Variants in CNTN3 observed in about 807,000 individuals in gnomAD.
CNTN3 encodes the protein contactin 3, also known as contactin-3.
CNTN3 carries 60 observed loss-of-function variants against 119.1 expected under a neutral mutation model. The ratio of observed to expected loss-of-function variants is 0.50; its 90% CI spans 0.41 to 0.62. CNTN3 has a LOEUF of 0.62. CNTN3 is among the 20% of genes least tolerant of loss of function. CNTN3 has a pLI of 0.00. For missense variants in CNTN3, 1,101 were observed against 1,242.4 expected (o/e 0.89, Z 1.71); for synonymous variants, 450 against 438.7 (o/e 1.03, Z -0.32).
intron 4 of CNTN3, among the ~76,000 whole-genome samples, chr3:74,453,279 T>C (rs1439539517): frequency 6.6e-6 from 1 of 152,150 alleles, no homozygotes; most frequent in African/African-American, 2.4e-5. Context: ...ATCCATTTCT[T>C]CTAGATTTTC....
At chr3:74,325,401 T>C (rs1356121026) in intron 13 of CNTN3, among the ~76,000 whole-genome samples, 1 of 152,166 alleles carries the variant, frequency 6.6e-6, no homozygotes, top group Non-Finnish European at 1.5e-5. Flanking sequence ...CTTTCCTCAG[T>C]ATCCAAATTC....
intron 5 of CNTN3, among the ~76,000 whole-genome samples, chr3:74,390,664 G>A (rs913644141): frequency 6.6e-6 from 1 of 152,088 alleles, no homozygotes; most frequent in East Asian, 1.9e-4. Context: ...CAGGCAAATC[G>A]GGTCAGCCCT....
At chr3:74,381,792 TA>T (rs996164467) in intron 5 of CNTN3, among the ~76,000 whole-genome samples, 6 of 151,738 alleles carry the variant, frequency 4.0e-5, no homozygotes, top group African/African-American at 1.2e-4. Context: ...ATAATTTAGC[TA>T]AAAAAAAGCC....
intron 3 of CNTN3, 112 bp downstream of exon 3, chr3:74,499,547 C>A (rs1040021692): frequency 1.1e-6 from 1 of 902,578 alleles, no homozygotes; most frequent in Non-Finnish European, 1.6e-6. Flanking sequence ...TATAGCTTCA[C>A]GTATTTTTTT....
chr3:74,583,867 G>T (rs1704553461), intron 1 of CNTN3, among the ~76,000 whole-genome samples: 1 of 152,036 alleles, frequency 6.6e-6, no homozygotes, highest in Non-Finnish European at 1.5e-5. Context: ...ACAATTAATT[G>T]CAGTTGTTCC....
At position 74,371,275 on chromosome 3, in the gene CNTN3, A is replaced by C; in HGVS notation, c.579T>G (p.Asn193Lys). ...CCATACTTGTCACCACACATGTGTA[A>C]TTTCCCACATCAGACGGCTCCACCT... Reference protein sequence around the residue: ...ISKVEPSDVGNYTCVVTSMVT... With the variant: ...ISKVEPSDVGKYTCVVTSMVT... Residue 193 changes from asparagine to lysine, a missense_variant, in exon 6 of 23, where the codon AAT becomes AAG. Transcript: ENST00000263665. The C allele has an allele frequency of 6.2e-7, 1 of 1,613,470 alleles. No homozygotes were observed. The highest frequency in any genetic ancestry group is 2.2e-5 in the East Asian group (1 of 44,836).
At position 74,264,311 on chromosome 3, in the gene CNTN3, G is replaced by GA. The variant is rs1701627454; in HGVS notation, c.*89dup. ...AAGTAGAAAGTTAAAAATAAGAGTT[G>GA]AAAAAAACATGCATAATCACTGCAT... On this transcript the variant is annotated 3_prime_UTR_variant, in exon 23 of 23. Coordinates refer to ENST00000263665, the MANE Select transcript of CNTN3 (RefSeq NM_020872.3). 1 of 519,632 alleles carries GA rather than the reference G, an allele frequency of 1.9e-6. No individual in the cohort carries two copies. Among genetic ancestry groups the GA allele is most frequent in the Non-Finnish European group, 3.2e-6 (1 of 309,086 alleles). The allele number at this position is 519,632 out of a possible 1,614,324, so 32.2% of individuals were successfully genotyped here.
rs1223215817 is a variant in CNTN3 at position 74,407,262 on chromosome 3, C to CCAT, written c.454+17582_454+17583insATG. Reference sequence around the variant, plus strand: ...GTAAAGTATAGCCAGGCCAAATATTCTATTTTTTTTTTTTTTTTTTTTTGA... The same window carrying CCAT: ...GTAAAGTATAGCCAGGCCAAATATTCCATTATTTTTTTTTTTTTTTTTTTTTGA... On this transcript the variant is annotated intron_variant, in intron 5 of 22. Coordinates refer to ENST00000263665, the MANE Select transcript of CNTN3 (RefSeq NM_020872.3). 1.3e-4 allele frequency among the ~76,000 whole-genome samples: 11 copies of CCAT among 82,246 alleles called. No homozygotes were observed. The East Asian group carries it at 5.5e-3, about 41-fold the overall frequency. The allele number at this position is 82,246 out of a possible 152,430, so 54.0% of individuals were successfully genotyped here.
intron 4 of CNTN3, among the ~76,000 whole-genome samples, chr3:74,434,921 G>C (rs1053735948): frequency 6.6e-6 from 1 of 151,726 alleles, no homozygotes; most frequent in Non-Finnish European, 1.5e-5. Context: ...ATATTTTTTG[G>C]ATGTCCAATT....
intron 2 of CNTN3, among the ~76,000 whole-genome samples, chr3:74,511,899 C>T (rs1405584727): frequency 6.6e-6 from 1 of 152,030 alleles, no homozygotes; most frequent in African/African-American, 2.4e-5. Flanking sequence ...ATTCTGCTGA[C>T]CCCAGCTTTA....
chr3:74,285,341 A>G lies in CNTN3; in HGVS notation c.2668T>C (p.Phe890Leu). Residue 890 changes from phenylalanine (F) to leucine (L), a missense_variant, in exon 20 of 23, where the codon TTT (phenylalanine) becomes CTT (leucine). By Grantham distance (22) the Phe-to-Leu change is conservative (BLOSUM62 0). Coordinates refer to ENST00000263665, the MANE Select transcript of CNTN3 (RefSeq NM_020872.3). ...RAYNSAGAGP[F>L]SATVNVTTKK... Reference sequence around the variant, plus strand: ...GTGGTTACATTAACTGTGGCGCTAAAAGGCCCAGCGCCGGCACTGTTGTAA... The same window carrying G: ...GTGGTTACATTAACTGTGGCGCTAAGAGGCCCAGCGCCGGCACTGTTGTAA... 6.2e-7 allele frequency: 1 copy of G among 1,611,688 alleles called. No individual in the cohort carries two copies. Among genetic ancestry groups the G allele is most frequent in the Non-Finnish European group, 8.5e-7 (1 of 1,179,180 alleles).
In CNTN3 at chr3:74,488,364, C is replaced by T. The variant is rs143043178; in HGVS notation, c.183-1733G>A. On this transcript the variant is annotated intron_variant, in intron 3 of 22. Transcript: ENST00000263665. ...TCCTGACCTCGTGATCCGCCCAGCTCGGCCTCCCAAAGTGCTGAGATTACA... is the reference window on the plus strand; with the variant it reads ...TCCTGACCTCGTGATCCGCCCAGCTTGGCCTCCCAAAGTGCTGAGATTACA... Among the ~76,000 whole-genome samples, 858 of 152,242 alleles carry T rather than the reference C, an allele frequency of 5.6e-3. 25 individuals carry two copies. The highest frequency in any genetic ancestry group is 0.042 in the Admixed American group (639 of 15,272).
chr3:74,298,384 C>T (rs549210221), intron 17 of CNTN3, among the ~76,000 whole-genome samples, 193 bp from the exon 18 acceptor site: 21 of 152,254 alleles, frequency 1.4e-4, no homozygotes, highest in Admixed American at 1.0e-3. Context: ...AGACATATGT[C>T]ACCATTTCAT....
chr3:74,590,757 CCAAT>C (rs1448633904), intron 1 of CNTN3, among the ~76,000 whole-genome samples: 1 of 151,920 alleles, frequency 6.6e-6, no homozygotes, highest in Non-Finnish European at 1.5e-5. Context: ...AACTTTTATG[CCAAT>C]CAAAGGAAGA....
chr3:74,545,022 A>T (rs1703895064), intron 1 of CNTN3, among the ~76,000 whole-genome samples: 2 of 152,144 alleles, frequency 1.3e-5, no homozygotes, highest in African/African-American at 2.4e-5. Flanking sequence ...AATATGACAA[A>T]AGTTCTAGGG....
At chr3:74,440,869 A>T (rs1306556062) in intron 4 of CNTN3, among the ~76,000 whole-genome samples, 1 of 152,160 alleles carries the variant, frequency 6.6e-6, no homozygotes, top group African/African-American at 2.4e-5. Flanking sequence ...AGTAATGTAG[A>T]AATGCTTTAA....
At chr3:74,421,036 A>G (rs1166909815) in intron 5 of CNTN3, among the ~76,000 whole-genome samples, 2 of 152,134 alleles carry the variant, frequency 1.3e-5, no homozygotes, top group East Asian at 3.9e-4. Context: ...ACATTATCAC[A>G]CATCTTCCTC....
At chr3:74,444,059 G>A (rs1345921151) in intron 4 of CNTN3, among the ~76,000 whole-genome samples, 2 of 152,084 alleles carry the variant, frequency 1.3e-5, no homozygotes, top group Non-Finnish European at 2.9e-5. Flanking sequence ...TCCTTGACTT[G>A]TAGATGCATC....
chr3:74,510,394 C>T (rs1199589249), intron 2 of CNTN3, among the ~76,000 whole-genome samples: 7 of 152,094 alleles, frequency 4.6e-5, no homozygotes, highest in Non-Finnish European at 1.0e-4. Flanking sequence ...TCATCTACAC[C>T]CCGTGCACAC....
Sources: allele counts gnomAD v4.1 joint callset (sites outside exome capture counted in the v4.1 genomes callset), GRCh38; gene constraint gnomAD v4.1.1; transcripts MANE v1.5; gene names NCBI Gene and HGNC (gene_info 2026-07-23, HGNC 2026-07-21).